Variants in ALG6 observed in about 807,000 individuals in gnomAD.
ALG6 encodes ALG6 alpha-1,3-glucosyltransferase.
ALG6 carries 46 observed loss-of-function variants against 66.6 expected under a neutral mutation model. The ratio of observed to expected loss-of-function variants is 0.69; its 90% confidence interval spans 0.55 to 0.88. The LOEUF is 0.88. ALG6 is among the 40% of genes least tolerant of loss of function. ALG6 has a pLI of 0.00. For missense variants in ALG6, 505 were observed against 586.8 expected (o/e 0.86, Z 1.44); for synonymous variants, 185 against 203.7 (o/e 0.91, Z 0.78).
intron 11 of ALG6, among the ~76,000 whole-genome samples, chr1:63,419,093 G>T (rs1214596824): frequency 6.6e-6 from 1 of 152,046 alleles, no homozygotes; most frequent in Non-Finnish European, 1.5e-5. Context: ...TGATTGTTGT[G>T]TCTGAGGTAT....
intron 11 of ALG6, among the ~76,000 whole-genome samples, chr1:63,418,372 A>G (rs1407315630): frequency 2.6e-5 from 4 of 150,986 alleles, no homozygotes; most frequent in Non-Finnish European, 4.4e-5. Context: ...CAAGAAGTGA[A>G]TGACCAACCA....
intron 2 of ALG6, among the ~76,000 whole-genome samples, chr1:63,389,425 T>C (rs1648601696): frequency 6.6e-6 from 1 of 152,230 alleles, no homozygotes; most frequent in African/African-American, 2.4e-5. Flanking sequence ...AATTTCTGCT[T>C]GATTTTAACA....
chr1:63,413,548 AGCTGT>A, intron 9 of ALG6: 2 of 155,208 alleles, frequency 1.3e-5, no homozygotes, highest in Non-Finnish European at 2.9e-5. Context: ...CCACCAGGAG[AGCTGT>A]AGTTACAAAC....
intron 3 of ALG6, among the ~76,000 whole-genome samples, 177 bp downstream of exon 3, chr1:63,396,774 G>C (rs148118050): frequency 6.6e-6 from 1 of 152,130 alleles, no homozygotes; most frequent in Non-Finnish European, 1.5e-5. Flanking sequence ...TGATAGTCCT[G>C]AAAGTTAATT....
chr1:63,410,049 T>A (rs1480419932), intron 7 of ALG6, among the ~76,000 whole-genome samples: 2 of 152,168 alleles, frequency 1.3e-5, no homozygotes, highest in Non-Finnish European at 2.9e-5. Context: ...ACTCAAAGAC[T>A]GTAACCTACT....
At chr1:63,368,058 C>G (rs1463853856) in intron 1 of ALG6, among the ~76,000 whole-genome samples, 1 of 151,778 alleles carries the variant, frequency 6.6e-6, no homozygotes, top group East Asian at 1.9e-4. Flanking sequence ...AAGGACCTTT[C>G]AGACTAAAAG....
In ALG6 at chr1:63,394,475, G is replaced by C. The variant is rs115206609; in HGVS notation, c.83-2038G>C. Among the ~76,000 whole-genome samples, 671 of 152,088 alleles carry C rather than the reference G, an allele frequency of 4.4e-3. 3 individuals are homozygous for C. The highest frequency in any genetic ancestry group is 6.9e-3 in the Non-Finnish European group (470 of 67,990). ...GCTCACTGTAACCTCTGCCTCTCGG[G>C]TTCAAGTGCCTCAGCCTCCCAAGTA... is the stretch of plus-strand genomic sequence containing the variant. On this transcript the variant is annotated intron_variant, in intron 2 of 14. Transcript: ENST00000263440.
chr1:63,427,283 G>A (rs1644620687), intron 12 of ALG6, among the ~76,000 whole-genome samples: 2 of 151,350 alleles, frequency 1.3e-5, no homozygotes, highest in African/African-American at 2.4e-5. Flanking sequence ...AAAGTGCTGC[G>A]ATTACAGGTG....
intron 2 of ALG6, among the ~76,000 whole-genome samples, chr1:63,395,694 C>CA (rs927624485): frequency 6.6e-6 from 1 of 151,106 alleles, no homozygotes; most frequent in African/African-American, 2.4e-5. Flanking sequence ...GACTCTGTCT[C>CA]AAAAAAAAGT....
At chr1:63,428,228 A>T (rs1344050437) in intron 12 of ALG6, 1 of 152,274 alleles carries the variant, frequency 6.6e-6, no homozygotes, top group Non-Finnish European at 1.5e-5. Flanking sequence ...TTTTAATTTT[A>T]TTATTATCAA....
chr1:63,434,329 T>G (rs1186662550), intron 14 of ALG6, among the ~76,000 whole-genome samples: 1 of 152,174 alleles, frequency 6.6e-6, no homozygotes, highest in African/African-American at 2.4e-5. Flanking sequence ...CCAAGGTTTT[T>G]GGCATACATA....
At chr1:63,427,103 C>T (rs1644619059) in intron 12 of ALG6, among the ~76,000 whole-genome samples, 1 of 151,920 alleles carries the variant, frequency 6.6e-6, no homozygotes. Flanking sequence ...CTGGTTCAAG[C>T]AATTCTCCTG....
Position 63,410,415 on chromosome 1 carries a change from C to T in ALG6, c.495-731C>T, listed in dbSNP as rs541770628. 1.5e-4 allele frequency among the ~76,000 whole-genome samples: 23 copies of T among 152,116 alleles called. No homozygotes were observed. The South Asian group carries it at 3.5e-3, about 23-fold the overall frequency. ...GACTCCAGGCTTGCACCACCACACT[C>T]GGCTAATTTAAAAATTTTTTTGTAG... On this transcript the variant is annotated intron_variant, in intron 7 of 14. Transcript: ENST00000263440.
At chr1:63,371,327 T>G in intron 2 of ALG6, 1 of 424,074 alleles carries the variant, frequency 2.4e-6, no homozygotes, top group Admixed American at 3.8e-5. Context: ...TATTAAACAT[T>G]GAAGAGGAAA....
chr1:63,405,369 G>T (rs1176729450), intron 5 of ALG6, among the ~76,000 whole-genome samples: 2 of 152,064 alleles, frequency 1.3e-5, no homozygotes, highest in Non-Finnish European at 2.9e-5. Context: ...TGTTTTCAGA[G>T]AGCTCCAGTC....
At chr1:63,384,823 T>A (rs1253836394) in intron 2 of ALG6, among the ~76,000 whole-genome samples, 1 of 152,166 alleles carries the variant, frequency 6.6e-6, no homozygotes, top group East Asian at 1.9e-4. Flanking sequence ...TCTATTCTGT[T>A]CCATGGTCTA....
intron 4 of ALG6, among the ~76,000 whole-genome samples, chr1:63,403,094 C>CAAAAAAAAAAAAAAAAAAAAAAAA: frequency 1.5e-5 from 1 of 65,322 alleles, no homozygotes; most frequent in Non-Finnish European, 3.0e-5. Flanking sequence ...GACTCCATCT[C>CAAAAAAAAAAAAAAAAAAAAAAAA]AAAAAAAAAA....
At position 63,411,953 on chromosome 1, in the gene ALG6, T is replaced by C. The variant is rs374672230; in HGVS notation, c.708T>C (p.Cys236=). The change falls in exon 9 of 15, where the codon TGT becomes TGC. Residue 236 remains cysteine (C), a synonymous_variant. Coordinates refer to ENST00000263440, the MANE Select transcript of ALG6 (RefSeq NM_013339.4). ...TTGTGTTGCTAGTTAAGCTAGCTTG[T>C]ATTGTTGTGGCTTCCTTCGTTCTCT... is the stretch of plus-strand genomic sequence containing the variant. ...KGFVLLVKLA[C]IVVASFVLCW... 5.0e-6 allele frequency: 8 copies of C among 1,614,058 alleles called. No homozygotes were observed. In the African/African-American group the frequency reaches 1.1e-4, roughly 22 times the overall value.
intron 2 of ALG6, among the ~76,000 whole-genome samples, chr1:63,378,692 C>T (rs1648208304): frequency 6.6e-6 from 1 of 152,102 alleles, no homozygotes; most frequent in Non-Finnish European, 1.5e-5. Flanking sequence ...GTATCTTCCT[C>T]ATTTTTATTC....
Sources: gnomAD v4.1 joint callset for allele counts (sites outside exome capture counted in the v4.1 genomes callset) on GRCh38, gnomAD v4.1.1 for gene constraint, MANE v1.5 for transcripts, NCBI Gene and HGNC (gene_info 2026-07-23, HGNC 2026-07-21) for gene names.